The following PAXIP1 variants were observed in gnomAD, a reference collection of about 807,000 sequenced individuals.
PAXIP1 encodes PAX interacting protein 1, also known as PAX-interacting protein 1.
A neutral mutation model predicts 140.6 loss-of-function variants in PAXIP1; 19 were observed. The ratio of observed to expected loss-of-function variants is 0.14; its 90% confidence interval spans 0.09 to 0.20. The LOEUF (loss-of-function observed/expected upper bound fraction) is 0.20, where lower values mean the gene tolerates loss of function less well. PAXIP1 is among the 10% of genes least tolerant of loss of function. PAXIP1 has a pLI of 1.00. For missense variants in PAXIP1, 920 were observed against 1,208.6 expected, an observed-to-expected ratio of 0.76 and a Z score of 3.54; for synonymous variants, 442 against 444.6, an observed-to-expected ratio of 0.99 and a Z score of 0.07.
chr7:154,997,888 C>T (rs945950210), intron 2 of PAXIP1, among the ~76,000 whole-genome samples: 1 of 152,232 alleles, frequency 6.6e-6, no homozygotes, highest in African/African-American at 2.4e-5. Context: ...TTGCCACAGT[C>T]GGGATGGAAA....
intron 9 of PAXIP1, 182 bp from the exon 10 acceptor site, chr7:154,962,640 AC>A (rs1485499232): frequency 2.5e-5 from 13 of 521,788 alleles, no homozygotes; most frequent in Admixed American, 1.0e-4. Context: ...TTGAAATACA[AC>A]CTAAAAATGT....
chr7:154,962,385 G>A lies in PAXIP1; in HGVS notation c.2063C>T (p.Pro688Leu). 11 of 1,612,634 alleles carry A rather than the reference G, an allele frequency of 6.8e-6. No homozygotes were observed. The highest frequency in any genetic ancestry group is 2.2e-5 in the East Asian group (1 of 44,772). Residue 688 changes from proline (P) to leucine (L), a missense_variant, in exon 10 of 21, where the codon CCG (proline) becomes CTG (leucine). Transcript: ENST00000404141. ...NTVLKKKKMV[P>L]PHRALHFPVA... is the part of the protein sequence containing the mutation. ...TGGGAAGTGAAGGGCTCGGTGCGGC[G>A]GTACCATTTTCTTCTTCTTTAAGAC...
chr7:154,959,034 G>A (rs1039307046), intron 13 of PAXIP1, among the ~76,000 whole-genome samples: 1 of 152,174 alleles, frequency 6.6e-6, no homozygotes, highest in Non-Finnish European at 1.5e-5. Flanking sequence ...CCTCAGAGAC[G>A]TGGGATGATT....
At chr7:154,961,152 C>A in intron 11 of PAXIP1, 75 bp from the exon 12 acceptor site, 1 of 1,170,288 alleles carries the variant, frequency 8.5e-7, no homozygotes, top group Non-Finnish European at 1.2e-6. Context: ...CATTTATTTC[C>A]AACAAAAGGC....
At chr7:154,972,255 G>C (rs1809364115) in intron 6 of PAXIP1, among the ~76,000 whole-genome samples, 1 of 152,220 alleles carries the variant, frequency 6.6e-6, no homozygotes, top group Non-Finnish European at 1.5e-5. Context: ...GGGAGGCCGA[G>C]GTAGGCAGAT....
rs1480590285 is a variant in PAXIP1, at chr7:154,946,171, GTAAGT to G, written c.3194+189_3194+193del. On this transcript the variant is annotated intron_variant, in intron 20 of 20. Coordinates refer to ENST00000404141, the MANE Select transcript of PAXIP1 (RefSeq NM_007349.4). The surrounding 1 kb of genome is among the most constrained non-coding windows in gnomAD (Gnocchi z 4.9). ...ATCACCTATTAAAACTGAACTCTCA[GTAAGT>G]TAAGAGAATATTTTTACTAGCAACT... 2 of 981,464 alleles carry G rather than the reference GTAAGT, an allele frequency of 2.0e-6. No homozygotes were observed. Among genetic ancestry groups the G allele is most frequent in the East Asian group, 1.1e-4 (1 of 8,816 alleles). The allele number at this position is 981,464 out of a possible 1,614,324, so 60.8% of individuals were successfully genotyped here.
In PAXIP1 at chr7:154,956,895, G is replaced by A. The variant is rs1309217103; in HGVS notation, c.2549+329C>T. On this transcript the variant is annotated intron_variant, in intron 14 of 20. Coordinates refer to ENST00000404141, the MANE Select transcript of PAXIP1 (RefSeq NM_007349.4). The surrounding 1 kb of genome is among the most constrained non-coding windows in gnomAD (Gnocchi z 4.2). ...ACAGCAGGTTCTTCAGCCGTGCCCA[G>A]GAGGCCTGGGGCTCCGTGGTCTATC... 1.5e-5 allele frequency: 3 copies of A among 199,606 alleles called. No individual in the cohort carries two copies. The highest frequency in any genetic ancestry group is 7.0e-5 in the African/African-American group (3 of 42,742). 12.4% of individuals were successfully genotyped at this position (199,606 alleles called of 1,614,324 possible).
intron 16 of PAXIP1, among the ~76,000 whole-genome samples, chr7:154,953,287 G>A (rs953830257): frequency 3.3e-5 from 5 of 152,134 alleles, no homozygotes; most frequent in Non-Finnish European, 4.4e-5. Flanking sequence ...GAGAAAGTGC[G>A]AGAACACGTC....
chr7:154,955,672 T>C, intron 14 of PAXIP1, 41 bp from the exon 15 acceptor site: 1 of 1,095,246 alleles, frequency 9.1e-7, no homozygotes, highest in Admixed American at 2.7e-5. Context: ...GATTTCATAT[T>C]TACTTACAAT....
intron 13 of PAXIP1, 99 bp downstream of exon 13, chr7:154,959,791 A>G (rs1246333722): frequency 5.0e-6 from 4 of 801,124 alleles, no homozygotes; most frequent in Admixed American, 4.2e-5. Flanking sequence ...TCATGTTGAC[A>G]AGTTACTAAA....
chr7:154,970,698 G>A (rs1444028378), intron 6 of PAXIP1, among the ~76,000 whole-genome samples: 1 of 152,222 alleles, frequency 6.6e-6, no homozygotes, highest in Admixed American at 6.5e-5. Flanking sequence ...GCATGCACGT[G>A]TGGGGCACCT....
intron 5 of PAXIP1, 88 bp downstream of exon 5, chr7:154,983,131 C>A: frequency 1.6e-6 from 1 of 635,966 alleles, no homozygotes; most frequent in Non-Finnish European, 2.7e-6. Flanking sequence ...AATATAATAA[C>A]TAATTTAAAA....
chr7:154,994,871 AAAG>A (rs1810499617), intron 2 of PAXIP1, among the ~76,000 whole-genome samples: 1 of 152,230 alleles, frequency 6.6e-6, no homozygotes, highest in African/African-American at 2.4e-5. Flanking sequence ...CTGAAATCTG[AAAG>A]AAGGCACTTA....
rs778130775 is a variant in PAXIP1 at position 154,973,643 on chromosome 7, G to A, written c.1074+2053C>T. Among the ~76,000 whole-genome samples the A allele has an allele frequency of 6.6e-6, 1 of 152,130 alleles. No individual in the cohort carries two copies. Among genetic ancestry groups the A allele is most frequent in the Non-Finnish European group, 1.5e-5 (1 of 68,028 alleles). On this transcript the variant is annotated intron_variant, in intron 6 of 20. Transcript: ENST00000404141. The surrounding 1 kb of genome is among the most constrained non-coding windows in gnomAD (Gnocchi z 4.0). ...ATACTCGCTGCTTAGGTGGAGGGGAGGGGAGACAAAGATTTTGTCTGTCCC... is the reference window on the plus strand; with the variant it reads ...ATACTCGCTGCTTAGGTGGAGGGGAAGGGAGACAAAGATTTTGTCTGTCCC...
In PAXIP1 at chr7:154,986,415, C is replaced by T. The variant is rs1021607687; in HGVS notation, c.325-3083G>A. ...CATTTTTGCATATGTTGCAACATACCGTATTTGCCCAAGGCCTGACCCCTC... is the reference window on the plus strand; with the variant it reads ...CATTTTTGCATATGTTGCAACATACTGTATTTGCCCAAGGCCTGACCCCTC... On this transcript the variant is annotated intron_variant, in intron 4 of 20. Coordinates refer to ENST00000404141, the MANE Select transcript of PAXIP1 (RefSeq NM_007349.4). This position sits in a 1 kb window ranked among gnomAD's most constrained non-coding sequence, Gnocchi z 4.8. Among the ~76,000 whole-genome samples, 5 of 152,068 alleles carry T rather than the reference C, an allele frequency of 3.3e-5. No individual in the cohort carries two copies. Among genetic ancestry groups the T allele is most frequent in the African/African-American group, 1.2e-4 (5 of 41,378 alleles).
At position 154,988,744 on chromosome 7, in the gene PAXIP1, C is replaced by T. The variant is rs146808808; in HGVS notation, c.324+2262G>A. 4.9e-3 allele frequency among the ~76,000 whole-genome samples: 750 copies of T among 152,300 alleles called. 7 individuals carry two copies. The highest frequency in any genetic ancestry group is 0.017 in the African/African-American group (704 of 41,566). On this transcript the variant is annotated intron_variant, in intron 4 of 20. Transcript: ENST00000404141. The stretch of plus-strand genomic sequence containing the variant: ...CTTCGTCCTCTCTCCCTTTCTCATT[C>T]AATTGGAATCATTTCTGGATAGTCG...
chr7:154,943,943 A>G lies in PAXIP1; in HGVS notation c.*206T>C. 1 of 609,184 alleles carries G rather than the reference A, an allele frequency of 1.6e-6. No individual in the cohort carries two copies. Among genetic ancestry groups the G allele is most frequent in the Non-Finnish European group, 3.1e-6 (1 of 325,126 alleles). 37.7% of individuals were successfully genotyped at this position (609,184 alleles called of 1,614,324 possible). A position where few individuals can be genotyped will look rare whatever the true frequency, so the allele number is the denominator to read the frequency against. On this transcript the variant is annotated 3_prime_UTR_variant, in exon 21 of 21. Transcript: ENST00000404141. The stretch of plus-strand genomic sequence containing the variant: ...GGCTCTTAAAGTCATATAATACAAA[A>G]CATAATTTATGTTTCCTCAGAATAA...
At chr7:155,000,768 T>C (rs1044675542) in intron 1 of PAXIP1, 11 of 152,248 alleles carry the variant, frequency 7.2e-5, no homozygotes, top group Non-Finnish European at 1.3e-4. Flanking sequence ...GTTCCAGATA[T>C]AGTGATCATC....
chr7:154,991,519 G>C (rs964744505), intron 3 of PAXIP1, among the ~76,000 whole-genome samples: 11 of 152,224 alleles, frequency 7.2e-5, no homozygotes, highest in African/African-American at 2.7e-4. Context: ...CTTCATAAGA[G>C]CTTGATTGAG....
Sources: allele counts gnomAD v4.1 joint callset (sites outside exome capture counted in the v4.1 genomes callset), GRCh38; gene constraint gnomAD v4.1.1; non-coding constraint Gnocchi (gnomAD v3.1); transcripts MANE v1.5; gene names NCBI Gene and HGNC (gene_info 2026-07-23, HGNC 2026-07-21).